Variants in RAPGEF4 observed in about 807,000 individuals in gnomAD.
The protein encoded by RAPGEF4 is Rap guanine nucleotide exchange factor 4.
A neutral mutation model predicts 147.9 loss-of-function variants in RAPGEF4; 66 were observed. The observed-to-expected ratio is 0.45, with a 90% CI of 0.37 to 0.55. RAPGEF4 has a LOEUF of 0.55. Among genes scored for constraint, RAPGEF4 ranks in the 20% least tolerant of loss-of-function variants. The probability of loss-of-function intolerance (pLI) is 0.00; values close to 1 mark genes in which losing one functional copy is unlikely to be tolerated. For missense variants in RAPGEF4, 1,071 were observed against 1,257.3 expected (o/e 0.85, Z 2.24); for synonymous variants, 419 against 442.7 (o/e 0.95, Z 0.67).
chr2:172,738,200 T>C (rs1053410650), intron 1 of RAPGEF4, among the ~76,000 whole-genome samples: 7 of 152,220 alleles, frequency 4.6e-5, no homozygotes, highest in South Asian at 4.1e-4. Flanking sequence ...CTGCCCTCAA[T>C]GTTTCTGAGA....
rs529292035 is a variant in RAPGEF4 at position 172,824,154 on chromosome 2, C to T, written c.444+9729C>T. Among the ~76,000 whole-genome samples, 8 of 152,318 alleles carry T rather than the reference C, an allele frequency of 5.3e-5. No individual in the cohort carries two copies. In the South Asian group the frequency reaches 1.7e-3, roughly 32 times the overall value. Reference sequence around the variant, plus strand: ...TATATTATTTGGAAGGGAAGAAGAACTTTTTGGTAACTTTCATCATTTGTA... The same window carrying T: ...TATATTATTTGGAAGGGAAGAAGAATTTTTTGGTAACTTTCATCATTTGTA... On this transcript the variant is annotated intron_variant, in intron 4 of 30. Coordinates refer to ENST00000397081, the MANE Select transcript of RAPGEF4 (RefSeq NM_007023.4).
chr2:172,942,603 A>G (rs1296668127), intron 6 of RAPGEF4, among the ~76,000 whole-genome samples: 2 of 151,762 alleles, frequency 1.3e-5, no homozygotes, highest in Non-Finnish European at 2.9e-5. Context: ...TCAGTAACCA[A>G]GTAATTATAA....
intron 4 of RAPGEF4, among the ~76,000 whole-genome samples, chr2:172,917,228 T>G (rs761635707): frequency 6.6e-6 from 1 of 152,232 alleles, no homozygotes; most frequent in African/African-American, 2.4e-5. Context: ...AGTTCTAAAT[T>G]AAGCTAAACT....
intron 4 of RAPGEF4, among the ~76,000 whole-genome samples, chr2:172,825,983 A>G (rs547284920): frequency 6.6e-6 from 1 of 152,290 alleles, no homozygotes; most frequent in Non-Finnish European, 1.5e-5. Flanking sequence ...TGTTTCCTAT[A>G]GCCTCTGTGT....
intron 4 of RAPGEF4, among the ~76,000 whole-genome samples, chr2:172,829,974 C>T (rs1339965591): frequency 6.6e-6 from 1 of 151,510 alleles, no homozygotes. Flanking sequence ...CATATATATT[C>T]CATATATAAT....
At chr2:173,010,390 T>G (rs16861148) in intron 17 of RAPGEF4, among the ~76,000 whole-genome samples, 8,631 of 152,292 alleles carry the variant, frequency 0.057, 331 homozygotes, top group East Asian at 0.1. Flanking sequence ...ATTGCTTCTT[T>G]CCTGGACCCA....
At chr2:172,764,501 A>T (rs969955994) in intron 1 of RAPGEF4, among the ~76,000 whole-genome samples, 6 of 152,110 alleles carry the variant, frequency 3.9e-5, no homozygotes, top group African/African-American at 1.4e-4. Context: ...TAGTCGAAGG[A>T]GTGTAGGTGA....
chr2:173,030,173 G>A lies in RAPGEF4; in HGVS notation c.2568G>A (p.Glu856=), dbSNP rs192198249. 127 of 1,610,632 alleles carry A rather than the reference G, an allele frequency of 7.9e-5. 1 individual carries two copies. In the East Asian group the frequency reaches 1.5e-3, roughly 19 times the overall value. ...ATCTCCTGTGTTTCAGCTGTAAGGAGTATAAAAATCTGAATTCCTTTTTTG... is the reference window on the plus strand; with the variant it reads ...ATCTCCTGTGTTTCAGCTGTAAGGAATATAAAAATCTGAATTCCTTTTTTG... The part of the protein sequence containing the change: ...KFIKIAAHCK[E]YKNLNSFFAI... Residue 856 remains glutamate, a synonymous_variant, in exon 26 of 31, where the codon GAG becomes GAA. Transcript: ENST00000397081.
At chr2:172,763,154 A>G (rs770948236) in intron 1 of RAPGEF4, among the ~76,000 whole-genome samples, 1 of 152,208 alleles carries the variant, frequency 6.6e-6, no homozygotes, top group Non-Finnish European at 1.5e-5. Flanking sequence ...CCCAGAACCT[A>G]CTTTCCTCTG....
intron 6 of RAPGEF4, among the ~76,000 whole-genome samples, chr2:172,954,934 T>C (rs1190284315): frequency 6.6e-6 from 1 of 152,214 alleles, no homozygotes; most frequent in East Asian, 1.9e-4. Flanking sequence ...TTTGGCCAGG[T>C]ACCTTATCAG....
chr2:173,036,032 T>TA, intron 27 of RAPGEF4, 93 bp from the exon 28 acceptor site: 1 of 930,574 alleles, frequency 1.1e-6, no homozygotes, highest in South Asian at 1.4e-5. Flanking sequence ...CAACTGTACC[T>TA]GATTGTGGGG....
At chr2:172,928,163 T>C in intron 6 of RAPGEF4, 1 of 454,474 alleles carries the variant, frequency 2.2e-6, no homozygotes, top group Non-Finnish European at 4.4e-6. Context: ...TGACTTCATG[T>C]TGAAGGTGCC....
chr2:172,952,175 T>C (rs1193508584), intron 6 of RAPGEF4, among the ~76,000 whole-genome samples: 2 of 152,118 alleles, frequency 1.3e-5, no homozygotes, highest in Non-Finnish European at 2.9e-5. Flanking sequence ...CACACCAGGC[T>C]ATTTTTTTTT....
intron 4 of RAPGEF4, among the ~76,000 whole-genome samples, chr2:172,858,364 T>C (rs919669197): frequency 2.0e-5 from 3 of 152,234 alleles, no homozygotes; most frequent in African/African-American, 7.2e-5. Context: ...AGTAGTAAAA[T>C]CTTGTTCATG....
At chr2:172,946,083 CA>C (rs34563405) in intron 6 of RAPGEF4, among the ~76,000 whole-genome samples, 61,993 of 151,342 alleles carry the variant, frequency 0.41, 12,893 homozygotes, top group Middle Eastern at 0.49. Context: ...GGCACATTGA[CA>C]AAAAAAATGT....
At chr2:172,843,493 A>G (rs1691843255) in intron 4 of RAPGEF4, among the ~76,000 whole-genome samples, 1 of 152,246 alleles carries the variant, frequency 6.6e-6, no homozygotes, top group South Asian at 2.1e-4. Context: ...AAATGTAATT[A>G]TATAGTTATT....
At chr2:172,837,128 G>GGT (rs138907201) in intron 4 of RAPGEF4, among the ~76,000 whole-genome samples, 1 of 152,052 alleles carries the variant, frequency 6.6e-6, no homozygotes, top group South Asian at 2.1e-4. Context: ...AACCATGTTG[G>GGT]GTGTGTGTGT....
At chr2:172,797,289 A>G (rs780006278) in intron 2 of RAPGEF4, among the ~76,000 whole-genome samples, 1 of 152,218 alleles carries the variant, frequency 6.6e-6, no homozygotes, top group Non-Finnish European at 1.5e-5. Context: ...CTCTGTAAGT[A>G]TGATAGAGTT....
At chr2:172,931,142 A>C in intron 6 of RAPGEF4, among the ~76,000 whole-genome samples, 1 of 108,004 alleles carries the variant, frequency 9.3e-6, no homozygotes, top group Non-Finnish European at 1.7e-5. Flanking sequence ...ACCACAATAA[A>C]AGGATTAGTA....
Sources: gnomAD v4.1 joint callset for allele counts (sites outside exome capture counted in the v4.1 genomes callset) on GRCh38, gnomAD v4.1.1 for gene constraint, MANE v1.5 for transcripts, NCBI Gene and HGNC (gene_info 2026-07-23, HGNC 2026-07-21) for gene names.